The following HDX variants were observed in gnomAD, a reference collection of about 807,000 sequenced individuals.
HDX encodes chromosome X open reading frame 43.
A neutral mutation model predicts 45.2 loss-of-function variants in HDX; 19 were observed. The ratio of observed to expected loss-of-function variants is 0.42; its 90% CI spans 0.29 to 0.62. The LOEUF is 0.62. Among genes scored for constraint, HDX ranks in the 20% least tolerant of loss-of-function variants. HDX has a pLI of 0.20. For missense variants in HDX, 532 were observed against 493.9 expected (o/e 1.08, Z -0.73); for synonymous variants, 188 against 172.8 (o/e 1.09, Z -0.69).
At chrX:84,384,435 GCA>G (rs1410707479) in intron 5 of HDX, among the ~76,000 whole-genome samples, 2 of 110,255 alleles carry the variant, frequency 1.8e-5, no homozygotes, top group African/African-American at 6.6e-5. Flanking sequence ...TTTGTAGTAT[GCA>G]CAGTTTGTGA....
intron 2 of HDX, among the ~76,000 whole-genome samples, chrX:84,486,329 T>A (rs1354468410): frequency 9.0e-6 from 1 of 111,707 alleles, no homozygotes; most frequent in Non-Finnish European, 1.9e-5. Flanking sequence ...CATCTCCATG[T>A]ATTAAAAACC....
intron 7 of HDX, among the ~76,000 whole-genome samples, chrX:84,339,211 C>T (rs987624970): frequency 1.8e-5 from 2 of 111,193 alleles, no homozygotes; most frequent in Admixed American, 9.6e-5. Context: ...TTTTAAAGAA[C>T]GGTTCATAGA....
At chrX:84,325,673 G>A (rs1225234918) in intron 10 of HDX, among the ~76,000 whole-genome samples, 1 of 111,700 alleles carries the variant, frequency 9.0e-6, no homozygotes, top group East Asian at 2.8e-4. Flanking sequence ...GTGATGCACT[G>A]TGGAAACAAA....
chrX:84,483,224 T>C (rs1418605642), intron 2 of HDX, among the ~76,000 whole-genome samples: 1 of 111,681 alleles, frequency 9.0e-6, no homozygotes, highest in Non-Finnish European at 1.9e-5. Flanking sequence ...GGCCCTCTTC[T>C]CACAGCTCCA....
chrX:84,394,432 G>C (rs1233533365), intron 5 of HDX, among the ~76,000 whole-genome samples: 1 of 111,737 alleles, frequency 8.9e-6, no homozygotes, highest in Non-Finnish European at 1.9e-5. Context: ...TTGTATCCTG[G>C]AGAAAGTTTT....
intron 4 of HDX, among the ~76,000 whole-genome samples, chrX:84,456,440 T>A (rs1265682775): frequency 9.1e-6 from 1 of 109,477 alleles, no homozygotes; most frequent in African/African-American, 3.3e-5. Flanking sequence ...TTTCCTTCAA[T>A]AAAAGGAAGA....
chrX:84,494,108 C>G (rs1050906100), intron 1 of HDX, among the ~76,000 whole-genome samples: 1 of 111,986 alleles, frequency 8.9e-6, no homozygotes, highest in Non-Finnish European at 1.9e-5. Context: ...AACTGAATGA[C>G]TATTTCCTTT....
intron 6 of HDX, among the ~76,000 whole-genome samples, chrX:84,352,549 T>C (rs1217951123): frequency 9.0e-6 from 1 of 111,640 alleles, no homozygotes; most frequent in Admixed American, 9.6e-5. Flanking sequence ...GACATTTTGG[T>C]ACAGGCATGC....
chrX:84,460,501 TAAAAAGAAA>T (rs2040216200), intron 4 of HDX, among the ~76,000 whole-genome samples: 1 of 111,653 alleles, frequency 9.0e-6, no homozygotes, highest in Admixed American at 9.5e-5. Flanking sequence ...CGCTTCATGA[TAAAAAGAAA>T]AATGATTCTC....
intron 9 of HDX, among the ~76,000 whole-genome samples, chrX:84,333,456 C>T (rs955890127): frequency 4.5e-5 from 5 of 111,215 alleles, no homozygotes; most frequent in Non-Finnish European, 9.4e-5. Context: ...TAAAAATGAA[C>T]ATTGGCTTTA....
At chrX:84,417,252 G>GAA (rs746755888) in intron 5 of HDX, among the ~76,000 whole-genome samples, 4 of 109,870 alleles carry the variant, frequency 3.6e-5, no homozygotes, top group African/African-American at 1.3e-4. Context: ...AAGAAAGAAA[G>GAA]AGAAAGTCCC....
rs940688822 is a variant in HDX, at chrX:84,318,367, A to G, written c.*3522T>C. 2 of 111,129 alleles carry G rather than the reference A, an allele frequency of 1.8e-5. No individual in the cohort carries two copies. Among genetic ancestry groups the G allele is most frequent in the Admixed American group, 1.9e-4 (2 of 10,429 alleles). 9.2% of individuals were successfully genotyped at this position (111,129 alleles called of 1,213,427 possible). On this transcript the variant is annotated 3_prime_UTR_variant, in exon 11 of 11. Transcript: ENST00000373177. Reference sequence around the variant, plus strand: ...GATAACTCCCTTAAAAAGCTAACCTATCACATGTTTGCATGTTTAAGATCT... The same window carrying G: ...GATAACTCCCTTAAAAAGCTAACCTGTCACATGTTTGCATGTTTAAGATCT...
chrX:84,491,207 T>C (rs1447788443), intron 1 of HDX, among the ~76,000 whole-genome samples: 1 of 111,915 alleles, frequency 8.9e-6, no homozygotes, highest in Non-Finnish European at 1.9e-5. Flanking sequence ...TCATTGTTGC[T>C]CCATTCATTT....
intron 4 of HDX, among the ~76,000 whole-genome samples, chrX:84,448,293 C>T (rs1383377581): frequency 9.0e-6 from 1 of 111,182 alleles, no homozygotes; most frequent in African/African-American, 3.3e-5. Flanking sequence ...GTCCCAAGGA[C>T]TCACCCACCC....
At chrX:84,334,932 G>A (rs2036928005) in intron 8 of HDX, among the ~76,000 whole-genome samples, 1 of 110,337 alleles carries the variant, frequency 9.1e-6, no homozygotes, top group Non-Finnish European at 1.9e-5. Context: ...ATACACACAC[G>A]TATATACATA....
At position 84,432,120 on chromosome X, in the gene HDX, A is replaced by C. The variant is rs779089273; in HGVS notation, c.1305+8412T>G. Among the ~76,000 whole-genome samples, 8 of 111,247 alleles carry C rather than the reference A, an allele frequency of 7.2e-5. No individual in the cohort carries two copies. The South Asian group carries it at 2.2e-3, about 31-fold the overall frequency. Reference sequence around the variant, plus strand: ...TTTTTCTCATGGCTTGTTTTTGCCAACTTTGTCAAAGATCAGATGGTTGTA... The same window carrying C: ...TTTTTCTCATGGCTTGTTTTTGCCACCTTTGTCAAAGATCAGATGGTTGTA... On this transcript the variant is annotated intron_variant, in intron 5 of 10. Transcript: ENST00000373177.
chrX:84,489,013 C>T (rs2040846397), intron 1 of HDX, among the ~76,000 whole-genome samples: 1 of 110,914 alleles, frequency 9.0e-6, no homozygotes, highest in African/African-American at 3.3e-5. Context: ...TGTTGTTTTT[C>T]ATTAGTTTGT....
intron 5 of HDX, among the ~76,000 whole-genome samples, chrX:84,376,326 GTGAAGCTCCTTCTGCT>G (rs1290956014): frequency 8.9e-6 from 1 of 112,169 alleles, no homozygotes; most frequent in Non-Finnish European, 1.9e-5. Flanking sequence ...GGACTACAAG[GTGAAGCTCCTTCTGCT>G]TGAGAAAAGC....
intron 2 of HDX, among the ~76,000 whole-genome samples, chrX:84,481,584 A>G (rs763046731): frequency 7.2e-5 from 8 of 111,503 alleles, no homozygotes; most frequent in Non-Finnish European, 1.1e-4. Flanking sequence ...CTGTCAATTT[A>G]TGAACAAATT....
Sources: gnomAD v4.1 joint callset for allele counts (sites outside exome capture counted in the v4.1 genomes callset) on GRCh38, gnomAD v4.1.1 for gene constraint, MANE v1.5 for transcripts, NCBI Gene and HGNC (gene_info 2026-07-23, HGNC 2026-07-21) for gene names.